The following TCERG1L variants were observed in gnomAD, a reference collection of about 807,000 sequenced individuals.
TCERG1L encodes transcription elongation regulator 1-like protein.
In TCERG1L, 37 loss-of-function variants were observed where a neutral mutation model predicts 56.3. The observed-to-expected ratio is 0.66, with a 90% confidence interval of 0.51 to 0.87. The LOEUF (loss-of-function observed/expected upper bound fraction) is 0.87, where lower values mean the gene tolerates loss of function less well. TCERG1L is among the 40% of genes least tolerant of loss of function. The pLI is 0.00. For missense variants in TCERG1L, 799 were observed against 774.2 expected (o/e 1.03, Z -0.38); for synonymous variants, 324 against 326.3 (o/e 0.99, Z 0.08).
At chr10:131,176,779 G>A (rs200989558) in intron 4 of TCERG1L, among the ~76,000 whole-genome samples, 2 of 101,458 alleles carry the variant, frequency 2.0e-5, no homozygotes, top group African/African-American at 5.8e-5. Flanking sequence ...AAGACACATG[G>A]ACACACAGAG....
At chr10:131,285,538 A>AAAAGAAAG (rs1554899550) in intron 3 of TCERG1L, among the ~76,000 whole-genome samples, 2 of 37,200 alleles carry the variant, frequency 5.4e-5, no homozygotes, top group Non-Finnish European at 1.2e-4. Flanking sequence ...GAAAGAAAAG[A>AAAAGAAAG]AAAGAAAGAA....
At chr10:131,296,129 C>G (rs1368014792) in intron 3 of TCERG1L, among the ~76,000 whole-genome samples, 1 of 151,958 alleles carries the variant, frequency 6.6e-6, no homozygotes. Context: ...ATGTTCAAGT[C>G]ATCAATGCAT....
intron 9 of TCERG1L, 47 bp from the exon 10 acceptor site, chr10:131,104,401 G>A: frequency 8.0e-7 from 1 of 1,247,738 alleles, no homozygotes; most frequent in Admixed American, 2.0e-5. Context: ...CTAATGCTAA[G>A]CCTGAAGCCG....
intron 9 of TCERG1L, among the ~76,000 whole-genome samples, chr10:131,111,558 C>T (rs1291834999): frequency 7.0e-6 from 1 of 142,826 alleles, no homozygotes; most frequent in African/African-American, 2.5e-5. Context: ...TTCCTTCTGG[C>T]TTTTATGAGT....
chr10:131,284,125 CAAAA>C (rs10534180), intron 3 of TCERG1L, among the ~76,000 whole-genome samples: 14 of 116,386 alleles, frequency 1.2e-4, no homozygotes, highest in Admixed American at 1.8e-4. Context: ...GACCACATCT[CAAAA>C]AAAAAAAAAA....
intron 4 of TCERG1L, among the ~76,000 whole-genome samples, chr10:131,200,623 T>C (rs1845421485): frequency 6.6e-6 from 1 of 152,222 alleles, no homozygotes; most frequent in Non-Finnish European, 1.5e-5. Context: ...TTCCTCGGAA[T>C]AAATCACACT....
At chr10:131,179,446 G>A (rs1436412031) in intron 4 of TCERG1L, among the ~76,000 whole-genome samples, 1 of 152,182 alleles carries the variant, frequency 6.6e-6, no homozygotes, top group Admixed American at 6.5e-5. Context: ...CATCCCACGT[G>A]AGGCTGGTCT....
intron 4 of TCERG1L, among the ~76,000 whole-genome samples, chr10:131,198,036 G>A (rs1164966041): frequency 8.3e-6 from 1 of 120,014 alleles, no homozygotes; most frequent in African/African-American, 2.6e-5. Flanking sequence ...TCTATGCTCA[G>A]AATTGCTGTT....
intron 6 of TCERG1L, chr10:131,160,941 G>A (rs924193030): frequency 1.3e-5 from 2 of 152,220 alleles, no homozygotes; most frequent in South Asian, 4.1e-4. Flanking sequence ...GGCGGAAGCT[G>A]TGTGAGGATT....
chr10:131,230,837 C>T (rs1387467976), intron 4 of TCERG1L, among the ~76,000 whole-genome samples: 2 of 152,216 alleles, frequency 1.3e-5, no homozygotes, highest in Non-Finnish European at 2.9e-5. Flanking sequence ...AGGCAGGCGG[C>T]TCTGGACAGA....
chr10:131,231,581 G>C (rs1314067562), intron 4 of TCERG1L, among the ~76,000 whole-genome samples: 1 of 152,098 alleles, frequency 6.6e-6, no homozygotes, highest in Non-Finnish European at 1.5e-5. Context: ...CGGCATCAGA[G>C]GGGTTCGGAG....
rs181307367 is a variant in TCERG1L at position 131,092,807 on chromosome 10, C to T, written c.*355G>A. On this transcript the variant is annotated 3_prime_UTR_variant, in exon 12 of 12. Coordinates refer to ENST00000368642, the MANE Select transcript of TCERG1L (RefSeq NM_174937.4). ...GGTTTTCAGAAAAGTTTTCGCCAAT[C>T]GTCTTAGGTGATGACACAAATGCCT... 274 of 174,212 alleles carry T rather than the reference C, an allele frequency of 1.6e-3. 1 individual carries two copies. Among genetic ancestry groups the T allele is most frequent in the African/African-American group, 6.0e-3 (256 of 42,406 alleles). 10.8% of individuals were successfully genotyped at this position (174,212 alleles called of 1,614,324 possible). A position where few individuals can be genotyped will look rare whatever the true frequency, so the allele number is the denominator to read the frequency against.
chr10:131,290,857 C>T (rs1846609619), intron 3 of TCERG1L, among the ~76,000 whole-genome samples: 1 of 152,276 alleles, frequency 6.6e-6, no homozygotes, highest in South Asian at 2.1e-4. Flanking sequence ...TACACACATG[C>T]TCCTTCTCTA....
At chr10:131,300,881 G>A (rs1846755038) in intron 3 of TCERG1L, among the ~76,000 whole-genome samples, 1 of 152,044 alleles carries the variant, frequency 6.6e-6, no homozygotes, top group Admixed American at 6.5e-5. Context: ...GTTAGTGAAT[G>A]CAATTTTGTC....
chr10:131,290,828 C>T (rs1002333752), intron 3 of TCERG1L, among the ~76,000 whole-genome samples: 6 of 152,042 alleles, frequency 3.9e-5, no homozygotes, highest in African/African-American at 7.2e-5. Context: ...TGAATAATGT[C>T]GCGCACTACC....
chr10:131,138,497 G>A (rs1167033405), intron 7 of TCERG1L, among the ~76,000 whole-genome samples: 1 of 152,130 alleles, frequency 6.6e-6, no homozygotes, highest in Admixed American at 6.5e-5. Flanking sequence ...CCATTACAAT[G>A]CCTAGCATAT....
chr10:131,305,431 G>A (rs1846810118), intron 3 of TCERG1L, among the ~76,000 whole-genome samples: 2 of 152,026 alleles, frequency 1.3e-5, no homozygotes, highest in Admixed American at 1.3e-4. Context: ...TTAATCAACA[G>A]TAAGTGAGGG....
At chr10:131,246,516 A>T (rs1432753975) in intron 4 of TCERG1L, among the ~76,000 whole-genome samples, 1 of 152,094 alleles carries the variant, frequency 6.6e-6, no homozygotes, top group African/African-American at 2.4e-5. Flanking sequence ...GAAAGTTATG[A>T]TGAGAGGAGG....
At chr10:131,117,665 C>G (rs1198341409) in intron 8 of TCERG1L, among the ~76,000 whole-genome samples, 2 of 152,144 alleles carry the variant, frequency 1.3e-5, no homozygotes, top group African/African-American at 2.4e-5. Flanking sequence ...GCTGACCATG[C>G]CGGGCTGGGC....
Sources: allele counts gnomAD v4.1 joint callset (sites outside exome capture counted in the v4.1 genomes callset), GRCh38; gene constraint gnomAD v4.1.1; transcripts MANE v1.5; gene names NCBI Gene and HGNC (gene_info 2026-07-23, HGNC 2026-07-21).